Variants in LRBA observed in about 807,000 individuals in gnomAD.
LRBA encodes lipopolysaccharide-responsive and beige-like anchor protein.
Under a neutral mutation model 330.0 loss-of-function variants are expected in LRBA, and 176 were observed. The observed-to-expected ratio is 0.53, with a 90% confidence interval of 0.47 to 0.60. The LOEUF is 0.60. LRBA is among the 20% of genes least tolerant of loss of function. The pLI, the probability that LRBA is intolerant of heterozygous loss-of-function variation, is 0.00. For missense variants in LRBA, 3,259 were observed against 3,444.8 expected (o/e 0.95, Z 1.35); for synonymous variants, 1,230 against 1,193.0 (o/e 1.03, Z -0.64).
At chr4:150,421,742 A>C (rs899400267) in intron 46 of LRBA, among the ~76,000 whole-genome samples, 1 of 152,040 alleles carries the variant, frequency 6.6e-6, no homozygotes, top group East Asian at 1.9e-4. Flanking sequence ...TCTACAGACC[A>C]CTGAGCACCC....
At chr4:150,861,573 G>A (rs1414264885) in intron 22 of LRBA, among the ~76,000 whole-genome samples, 1 of 152,166 alleles carries the variant, frequency 6.6e-6, no homozygotes, top group East Asian at 1.9e-4. Flanking sequence ...ACTAGAAGTT[G>A]CCCTGGGTCA....
At chr4:150,877,653 A>T (rs1161474517) in intron 17 of LRBA, among the ~76,000 whole-genome samples, 1 of 152,232 alleles carries the variant, frequency 6.6e-6, no homozygotes, top group Non-Finnish European at 1.5e-5. Flanking sequence ...TAAATTCTGG[A>T]CATAAATTCA....
chr4:150,432,158 C>T (rs1297680394), intron 46 of LRBA, among the ~76,000 whole-genome samples: 1 of 151,880 alleles, frequency 6.6e-6, no homozygotes, highest in Admixed American at 6.6e-5. Context: ...CTTCTTCATA[C>T]CTTACATTTC....
At chr4:150,677,264 T>C (rs1782639272) in intron 37 of LRBA, among the ~76,000 whole-genome samples, 2 of 152,166 alleles carry the variant, frequency 1.3e-5, no homozygotes, top group Non-Finnish European at 1.5e-5. Context: ...TGTCAAGTAC[T>C]AAATTCTGCA....
At chr4:150,434,865 A>G (rs1222587976) in intron 46 of LRBA, among the ~76,000 whole-genome samples, 1 of 152,126 alleles carries the variant, frequency 6.6e-6, no homozygotes, top group Non-Finnish European at 1.5e-5. Context: ...TTCAAGAAAA[A>G]AAAAAAAGAG....
intron 36 of LRBA, among the ~76,000 whole-genome samples, chr4:150,684,373 A>T (rs1249007106): frequency 2.6e-5 from 4 of 152,144 alleles, no homozygotes; most frequent in Non-Finnish European, 5.9e-5. Context: ...TTTAAGTCCT[A>T]GCAAAATGTA....
intron 34 of LRBA, among the ~76,000 whole-genome samples, chr4:150,781,464 T>G (rs114974129): frequency 6.6e-6 from 1 of 152,340 alleles, no homozygotes; most frequent in East Asian, 1.9e-4. Flanking sequence ...ATGCCAGTGA[T>G]AGGGAGCGGC....
chr4:150,390,186 T>C (rs139780038), intron 47 of LRBA, among the ~76,000 whole-genome samples: 11 of 152,290 alleles, frequency 7.2e-5, no homozygotes, highest in Non-Finnish European at 1.3e-4. Flanking sequence ...GCAACTCTTA[T>C]ATAAAAAAGA....
intron 17 of LRBA, among the ~76,000 whole-genome samples, chr4:150,881,606 AC>A (rs1199132201): frequency 2.6e-5 from 4 of 152,112 alleles, no homozygotes; most frequent in Non-Finnish European, 5.9e-5. Context: ...CATACCTCAA[AC>A]CTCAGCATCA....
At chr4:150,482,821 C>T (rs939054192) in intron 42 of LRBA, among the ~76,000 whole-genome samples, 2 of 151,922 alleles carry the variant, frequency 1.3e-5, no homozygotes, top group African/African-American at 2.4e-5. Context: ...GTATCTATAT[C>T]TATTCTTTGT....
At chr4:150,905,164 C>A (rs1019235853) in intron 13 of LRBA, among the ~76,000 whole-genome samples, 2 of 151,884 alleles carry the variant, frequency 1.3e-5, no homozygotes, top group Non-Finnish European at 2.9e-5. Context: ...TTTACATTCA[C>A]ATAGAACTAA....
intron 40 of LRBA, among the ~76,000 whole-genome samples, chr4:150,535,012 A>G (rs1374556886): frequency 6.6e-6 from 1 of 152,258 alleles, no homozygotes; most frequent in Non-Finnish European, 1.5e-5. Flanking sequence ...AAACAGCAAT[A>G]TATAATCATT....
chr4:150,993,361 T>C (rs1742301769), intron 2 of LRBA, among the ~76,000 whole-genome samples: 1 of 152,144 alleles, frequency 6.6e-6, no homozygotes, highest in Admixed American at 6.6e-5. Context: ...TAAATTTAAA[T>C]ACTGCATCGC....
intron 42 of LRBA, among the ~76,000 whole-genome samples, chr4:150,472,159 A>G (rs1756209175): frequency 6.6e-6 from 1 of 152,054 alleles, no homozygotes; most frequent in African/African-American, 2.4e-5. Context: ...ATTTAAATAT[A>G]TTTGCATACA....
At position 150,658,952 on chromosome 4, in the gene LRBA, C is replaced by T. The variant is rs891092373; in HGVS notation, c.5921+24599G>A. Among the ~76,000 whole-genome samples the T allele has an allele frequency of 5.7e-5, 4 of 69,854 alleles. No individual in the cohort carries two copies. In the Admixed American group the frequency reaches 7.5e-4, roughly 13 times the overall value. 45.8% of individuals were successfully genotyped at this position (69,854 alleles called of 152,430 possible). On this transcript the variant is annotated intron_variant, in intron 37 of 56. Coordinates refer to ENST00000651943, the MANE Select transcript of LRBA (RefSeq NM_001364905.1). ...CGGGCCGGTCTCCAGCCCCTAACCG[C>T]GAGTGATCCGCCAACCTCGGCCTCC...
chr4:150,609,586 C>A (rs921941870), intron 37 of LRBA, among the ~76,000 whole-genome samples: 1 of 152,094 alleles, frequency 6.6e-6, no homozygotes, highest in Admixed American at 6.5e-5. Context: ...TTATTACTTG[C>A]CTTTGAAACC....
At chr4:150,291,001 A>G (rs1030858853) in intron 53 of LRBA, among the ~76,000 whole-genome samples, 1 of 151,660 alleles carries the variant, frequency 6.6e-6, no homozygotes, top group African/African-American at 2.4e-5. Context: ...ACATGTGCAC[A>G]TTGTGCAGGT....
At chr4:150,622,703 T>C (rs954462182) in intron 37 of LRBA, among the ~76,000 whole-genome samples, 81 of 145,520 alleles carry the variant, frequency 5.6e-4, no homozygotes, top group Non-Finnish European at 1.0e-3. Context: ...TTTTTTTTTT[T>C]TTTTTTTTTT....
chr4:150,956,985 A>C (rs966524612), intron 2 of LRBA, among the ~76,000 whole-genome samples: 2 of 148,662 alleles, frequency 1.3e-5, no homozygotes, highest in Admixed American at 1.3e-4. Flanking sequence ...ACACATACAC[A>C]CTCACACATA....
Sources: allele counts gnomAD v4.1 joint callset (sites outside exome capture counted in the v4.1 genomes callset), GRCh38; gene constraint gnomAD v4.1.1; transcripts MANE v1.5; gene names NCBI Gene and HGNC (gene_info 2026-07-23, HGNC 2026-07-21).